SENP7: variants seen among roughly 807,000 people sequenced by gnomAD.
The protein encoded by SENP7 is SUMO specific peptidase 7.
In SENP7, 64 loss-of-function variants were observed where a neutral mutation model predicts 141.2. The observed-to-expected ratio is 0.45, with a 90% CI of 0.37 to 0.56. The LOEUF is 0.56. Among genes scored for constraint, SENP7 ranks in the 20% least tolerant of loss-of-function variants. The probability of loss-of-function intolerance (pLI) is 0.00; values close to 1 mark genes in which losing one functional copy is unlikely to be tolerated. For synonymous variants in SENP7, 382 were observed against 426.4 expected (o/e 0.90, Z 1.28); for missense variants, 1,025 against 1,212.2 (o/e 0.85, Z 2.29).
chr3:101,458,902 T>C, intron 4 of SENP7, 53 bp downstream of exon 4: 8 of 1,057,466 alleles, frequency 7.6e-6, no homozygotes, highest in Non-Finnish European at 1.1e-5. Context: ...GAATCATTTA[T>C]GGTCAACTTT....
At chr3:101,396,811 C>T (rs896628114) in intron 6 of SENP7, among the ~76,000 whole-genome samples, 4 of 152,062 alleles carry the variant, frequency 2.6e-5, no homozygotes, top group African/African-American at 9.7e-5. Flanking sequence ...TATACTGCAA[C>T]GTGGATAGGT....
intron 3 of SENP7, among the ~76,000 whole-genome samples, chr3:101,468,053 T>G (rs765300547): frequency 2.8e-4 from 42 of 152,138 alleles, no homozygotes; most frequent in Non-Finnish European, 4.4e-4. Context: ...GAGAGCTTCG[T>G]GACACATGCA....
In SENP7 at chr3:101,326,188, AATTAT is replaced by A. The variant is rs577385966; in HGVS notation, c.3016-113_3016-109del. 1.5e-3 allele frequency: 1,331 copies of A among 865,194 alleles called. 11 individuals are homozygous for A. In the African/African-American group the frequency reaches 0.021, roughly 14 times the overall value. 53.6% of individuals were successfully genotyped at this position (865,194 alleles called of 1,614,324 possible). ...AAATTGCTAACTTTTTTAAAATAAC[AATTAT>A]ATTAAGATATAATTCACATAATACA... On this transcript the variant is annotated intron_variant, in intron 23 of 23. Coordinates refer to ENST00000394095, the MANE Select transcript of SENP7 (RefSeq NM_020654.5).
intron 3 of SENP7, among the ~76,000 whole-genome samples, chr3:101,462,536 T>C (rs1449044785): frequency 1.4e-5 from 2 of 143,070 alleles, no homozygotes; most frequent in Non-Finnish European, 3.0e-5. Context: ...AGTGAAACTC[T>C]GTCTCAAAAA....
chr3:101,370,873 C>A (rs897154549), intron 7 of SENP7, among the ~76,000 whole-genome samples: 13 of 152,182 alleles, frequency 8.5e-5, no homozygotes, highest in Non-Finnish European at 1.6e-4. Context: ...AAATTTTTTT[C>A]TATTAAAAAG....
intron 4 of SENP7, chr3:101,457,808 GGC>G: frequency 1.7e-6 from 1 of 597,602 alleles, no homozygotes; most frequent in Non-Finnish European, 3.0e-6. Flanking sequence ...GCTGAGATTA[GGC>G]GCACACATGC....
At chr3:101,503,091 G>A (rs918288220) in intron 1 of SENP7, among the ~76,000 whole-genome samples, 4 of 152,058 alleles carry the variant, frequency 2.6e-5, no homozygotes, top group African/African-American at 9.7e-5. Context: ...TCTTCAAAAT[G>A]GACAAAAGTC....
chr3:101,498,399 T>C (rs1336659814), intron 2 of SENP7, among the ~76,000 whole-genome samples: 1 of 152,174 alleles, frequency 6.6e-6, no homozygotes, highest in Non-Finnish European at 1.5e-5. Context: ...CCCCCTGATA[T>C]AATGCACTAA....
At chr3:101,451,005 T>C (rs183643055) in intron 4 of SENP7, among the ~76,000 whole-genome samples, 14 of 151,968 alleles carry the variant, frequency 9.2e-5, no homozygotes, top group Admixed American at 4.6e-4. Context: ...AAAAATCAAA[T>C]AGACACAATA....
chr3:101,403,412 T>C (rs1040456815), intron 5 of SENP7, among the ~76,000 whole-genome samples: 2 of 152,252 alleles, frequency 1.3e-5, no homozygotes, highest in Admixed American at 1.3e-4. Context: ...CTCTTTATTG[T>C]AAACATGAAG....
chr3:101,464,796 C>A (rs2063705639), intron 3 of SENP7, among the ~76,000 whole-genome samples: 1 of 152,030 alleles, frequency 6.6e-6, no homozygotes, highest in African/African-American at 2.4e-5. Flanking sequence ...TTCCATGAAA[C>A]CTGATGCCAA....
intron 1 of SENP7, among the ~76,000 whole-genome samples, chr3:101,503,616 G>C (rs932090724): frequency 1.8e-4 from 27 of 152,224 alleles, no homozygotes; most frequent in Admixed American, 1.8e-3. Context: ...AGAAATTCAA[G>C]AAGAGTTAAA....
At chr3:101,428,861 AT>A (rs34880561) in intron 4 of SENP7, among the ~76,000 whole-genome samples, 1 of 152,136 alleles carries the variant, frequency 6.6e-6, no homozygotes, top group Non-Finnish European at 1.5e-5. Context: ...TCTTGAGTTA[AT>A]TTTTGTATAA....
intron 4 of SENP7, among the ~76,000 whole-genome samples, chr3:101,422,206 G>A (rs2061812039): frequency 6.6e-6 from 1 of 152,116 alleles, no homozygotes; most frequent in African/African-American, 2.4e-5. Flanking sequence ...ATGATCTGAG[G>A]TGGAACAGTT....
intron 12 of SENP7, among the ~76,000 whole-genome samples, chr3:101,350,728 T>G (rs2059592093): frequency 6.6e-6 from 1 of 152,050 alleles, no homozygotes; most frequent in Admixed American, 6.6e-5. Context: ...CTATCTTTTC[T>G]GAAATTATCA....
At chr3:101,435,140 C>A (rs2062334834) in intron 4 of SENP7, among the ~76,000 whole-genome samples, 1 of 152,038 alleles carries the variant, frequency 6.6e-6, no homozygotes, top group African/African-American at 2.4e-5. Flanking sequence ...CAACATGATT[C>A]ATCATATCAA....
At chr3:101,467,610 A>T (rs538151353) in intron 3 of SENP7, among the ~76,000 whole-genome samples, 1 of 152,232 alleles carries the variant, frequency 6.6e-6, no homozygotes, top group Admixed American at 6.5e-5. Flanking sequence ...CCTGCAGCTG[A>T]GGGACCTGAC....
intron 14 of SENP7, 60 bp from the exon 15 acceptor site, chr3:101,341,839 C>A: frequency 6.7e-7 from 1 of 1,487,608 alleles, no homozygotes; most frequent in South Asian, 1.4e-5. Flanking sequence ...AGAACAAAGT[C>A]AAAACGTAGA....
At chr3:101,353,259 A>T (rs9874875) in intron 11 of SENP7, among the ~76,000 whole-genome samples, 28,232 of 151,944 alleles carry the variant, frequency 0.19, 3,114 homozygotes, top group Admixed American at 0.35. Flanking sequence ...GTACTAAAAA[A>T]TAAACAGAAG....
Sources: allele counts gnomAD v4.1 joint callset (sites outside exome capture counted in the v4.1 genomes callset), GRCh38; gene constraint gnomAD v4.1.1; transcripts MANE v1.5; gene names NCBI Gene and HGNC (gene_info 2026-07-23, HGNC 2026-07-21).